LRBA: variants seen among roughly 807,000 people sequenced by gnomAD.
The protein encoded by LRBA is lipopolysaccharide-responsive and beige-like anchor protein.
Under a neutral mutation model 330.0 loss-of-function variants are expected in LRBA, and 176 were observed. The ratio of observed to expected loss-of-function variants is 0.53; its 90% CI spans 0.47 to 0.60. LRBA has a LOEUF of 0.60. Ranked by LOEUF, LRBA falls within the 20% of genes least tolerant of loss-of-function variation. The probability of loss-of-function intolerance (pLI) is 0.00; values close to 1 mark genes in which losing one functional copy is unlikely to be tolerated. For missense variants in LRBA, 3,259 were observed against 3,444.8 expected, an observed-to-expected ratio of 0.95 and a Z score of 1.35; for synonymous variants, 1,230 against 1,193.0, an observed-to-expected ratio of 1.03 and a Z score of -0.64.
At chr4:150,751,090 C>T (rs1733473279) in intron 35 of LRBA, among the ~76,000 whole-genome samples, 1 of 152,066 alleles carries the variant, frequency 6.6e-6, no homozygotes, top group East Asian at 1.9e-4. Flanking sequence ...AAGCAATTAA[C>T]AGCAACACCA....
chr4:150,971,750 C>T (rs553939426), intron 2 of LRBA, among the ~76,000 whole-genome samples: 21 of 152,088 alleles, frequency 1.4e-4, no homozygotes, highest in African/African-American at 4.6e-4. Flanking sequence ...TTTTTATTTA[C>T]TATTTCACAA....
At chr4:150,604,540 G>C (rs1774439874) in intron 37 of LRBA, among the ~76,000 whole-genome samples, 1 of 152,026 alleles carries the variant, frequency 6.6e-6, no homozygotes, top group Non-Finnish European at 1.5e-5. Flanking sequence ...ACCTGAGTCA[G>C]CTGTGGCAAT....
At chr4:150,993,885 A>G (rs988745056) in intron 2 of LRBA, among the ~76,000 whole-genome samples, 3 of 151,696 alleles carry the variant, frequency 2.0e-5, no homozygotes, top group African/African-American at 7.3e-5. Flanking sequence ...GAGCAAAACC[A>G]TATCACCCAT....
rs374360655 is a variant in LRBA, at chr4:150,583,833, G to C, written c.6330+4215C>G. 17 of 1,614,066 alleles carry C rather than the reference G, an allele frequency of 1.1e-5. No individual in the cohort carries two copies. The African/African-American group carries it at 2.3e-4, about 22-fold the overall frequency. ...GCCACCTGGAGCTACCCGGCCAGCC[G>C]CTCAACAACTACCACATGAAGACGC... On this transcript the variant is annotated intron_variant, in intron 40 of 56. Transcript: ENST00000651943. The surrounding 1 kb of genome is among the most constrained non-coding windows in gnomAD (Gnocchi z 9.8).
At chr4:150,266,800 C>CT (rs1252375065) in intron 56 of LRBA, among the ~76,000 whole-genome samples, 24 of 152,288 alleles carry the variant, frequency 1.6e-4, no homozygotes, top group African/African-American at 5.8e-4. Flanking sequence ...CATGATCCAA[C>CT]TATATGCTGT....
intron 30 of LRBA, among the ~76,000 whole-genome samples, chr4:150,824,308 T>G (rs1316181095): frequency 1.3e-5 from 2 of 152,196 alleles, no homozygotes; most frequent in African/African-American, 4.8e-5. Flanking sequence ...GTTATAATAG[T>G]TTTTTATGGA....
At chr4:150,870,351 T>G (rs1337440441) in intron 20 of LRBA, among the ~76,000 whole-genome samples, 174 bp downstream of exon 20, 1 of 152,212 alleles carries the variant, frequency 6.6e-6, no homozygotes, top group African/African-American at 2.4e-5. Context: ...AACTTAAGGT[T>G]GATTCGAAGG....
chr4:150,948,889 A>G (rs1300846369), intron 2 of LRBA, among the ~76,000 whole-genome samples: 1 of 152,032 alleles, frequency 6.6e-6, no homozygotes. Context: ...ACCACAGTGG[A>G]TATCACTATA....
intron 41 of LRBA, among the ~76,000 whole-genome samples, chr4:150,489,608 A>G: frequency 1.2e-5 from 1 of 86,332 alleles, no homozygotes; most frequent in Non-Finnish European, 2.4e-5. Context: ...AATATATAAT[A>G]TATAATATAT....
At chr4:150,528,162 G>C (rs1763665410) in intron 40 of LRBA, among the ~76,000 whole-genome samples, 1 of 151,974 alleles carries the variant, frequency 6.6e-6, no homozygotes, top group Non-Finnish European at 1.5e-5. Context: ...ATTTTATTTA[G>C]ATTGTGGTAT....
chr4:150,290,383 C>T (rs764586193), intron 53 of LRBA, among the ~76,000 whole-genome samples: 1 of 152,078 alleles, frequency 6.6e-6, no homozygotes, highest in Non-Finnish European at 1.5e-5. Flanking sequence ...TTAAGGGATA[C>T]AAAAAGTCTT....
rs201925309 is a variant in LRBA, at chr4:150,900,148, G to A, written c.1825C>T (p.Arg609Trp). ...ATGAGAAGCACTGTTCCAACTCTCC[G>A]AATGGTGTTATATATGTTGACTGTA... is the stretch of plus-strand genomic sequence containing the variant. ...IGTVNIYNTI[R>W]RVGTVLLIMH... The change falls in exon 14 of 57, where the codon CGG becomes TGG. Residue 609 changes from arginine (R) to tryptophan (W), a missense_variant. Physicochemically the swap from Arg to Trp is moderately radical, Grantham distance 101 (BLOSUM62 -3). Transcript: ENST00000651943. The A allele has an allele frequency of 6.8e-6, 11 of 1,612,564 alleles. No individual in the cohort carries two copies. Among genetic ancestry groups the A allele is most frequent in the African/African-American group, 2.7e-5 (2 of 74,980 alleles).
intron 44 of LRBA, among the ~76,000 whole-genome samples, chr4:150,454,614 G>C (rs543724597): frequency 6.6e-6 from 1 of 151,112 alleles, no homozygotes; most frequent in African/African-American, 2.4e-5. Context: ...ATAGCTTTAG[G>C]GGGTACAAGT....
At chr4:150,390,003 T>C (rs1743698278) in intron 47 of LRBA, among the ~76,000 whole-genome samples, 1 of 151,752 alleles carries the variant, frequency 6.6e-6, no homozygotes, top group African/African-American at 2.4e-5. Context: ...GTGCTTCTTA[T>C]CTTTTTAAGC....
At chr4:150,276,665 T>C (rs559546171) in intron 56 of LRBA, among the ~76,000 whole-genome samples, 4 of 152,100 alleles carry the variant, frequency 2.6e-5, no homozygotes, top group Admixed American at 1.3e-4. Flanking sequence ...CCAACAAACA[T>C]ATGAATAAAA....
In LRBA at chr4:150,897,812, G is replaced by A. The variant is rs371718439; in HGVS notation, c.1931C>T (p.Pro644Leu). The A allele has an allele frequency of 3.4e-5, 54 of 1,608,692 alleles. No individual in the cohort carries two copies. Among genetic ancestry groups the A allele is most frequent in the South Asian group, 9.9e-5 (9 of 90,714 alleles). The change falls in exon 15 of 57, where the codon CCG (proline) becomes CTG (leucine). Residue 644 changes from proline (P) to leucine (L), a missense_variant. Pro to Leu is a moderately conservative substitution (Grantham distance 98). Transcript: ENST00000651943. The stretch of plus-strand genomic sequence containing the variant: ...AAGCATTTCTTTTTGATTAGGTCGC[G>A]GTCCATCTTTTAAAAAAATATACAC... The part of the protein sequence containing the change: ...SGITPKGLDG[P>L]RPNQKEMLSL...
At chr4:150,602,958 T>G (rs1774269713) in intron 37 of LRBA, among the ~76,000 whole-genome samples, 1 of 152,204 alleles carries the variant, frequency 6.6e-6, no homozygotes, top group Non-Finnish European at 1.5e-5. Context: ...TAGATCACAT[T>G]ATATACCTAT....
At chr4:150,703,203 C>G (rs568586927) in intron 36 of LRBA, among the ~76,000 whole-genome samples, 1 of 152,120 alleles carries the variant, frequency 6.6e-6, no homozygotes, top group East Asian at 1.9e-4. Flanking sequence ...TCATTAAATG[C>G]TCATTAAGAA....
chr4:151,004,040 T>G (rs55982112), intron 2 of LRBA, among the ~76,000 whole-genome samples: 170 of 151,806 alleles, frequency 1.1e-3, no homozygotes, highest in Non-Finnish European at 1.7e-3. Context: ...TGCCTCAGCC[T>G]CTCCAGTAGC....
Sources: allele counts gnomAD v4.1 joint callset (sites outside exome capture counted in the v4.1 genomes callset), GRCh38; gene constraint gnomAD v4.1.1; non-coding constraint Gnocchi (gnomAD v3.1); transcripts MANE v1.5; gene names NCBI Gene and HGNC (gene_info 2026-07-23, HGNC 2026-07-21).